Variants in SAMD5 observed in about 807,000 individuals in gnomAD.
SAMD5 encodes the protein sterile alpha motif domain-containing protein 5.
Under a neutral mutation model 11.3 loss-of-function variants are expected in SAMD5, and 13 were observed. The ratio of observed to expected loss-of-function variants is 1.15; its 90% confidence interval spans 0.75 to 1.83. The LOEUF is 1.83. Ranked by LOEUF, SAMD5 falls within the 40% of genes most tolerant of loss-of-function variation. SAMD5 has a pLI of 0.00. For synonymous variants in SAMD5, 129 were observed against 111.3 expected, an observed-to-expected ratio of 1.16 and a Z score of -1.00; for missense variants, 255 against 239.1, an observed-to-expected ratio of 1.07 and a Z score of -0.44.
At chr6:147,879,021 G>T in the SAMD5 span, among the ~76,000 whole-genome samples, 18 of 152,200 alleles carry the variant, frequency 1.2e-4, 1 homozygote, top group African/African-American at 4.3e-4. Flanking sequence ...ATTTTGGAAT[G>T]CAGTTATTTT....
chr6:147,856,825 G>T, the SAMD5 span, among the ~76,000 whole-genome samples: 1 of 79,096 alleles, frequency 1.3e-5, no homozygotes, highest in African/African-American at 5.9e-5. Flanking sequence ...GGGGCGCGGG[G>T]GGGGGGGGAA....
chr6:147,602,546 C>G (rs1225005965), intron 1 of SAMD5, among the ~76,000 whole-genome samples: 1 of 152,126 alleles, frequency 6.6e-6, no homozygotes, highest in Non-Finnish European at 1.5e-5. Flanking sequence ...GAGTTCAAGA[C>G]CAGCCTGGCC....
chr6:147,664,965 G>A (rs915315014), intron 1 of SAMD5, among the ~76,000 whole-genome samples: 2 of 151,958 alleles, frequency 1.3e-5, no homozygotes, highest in African/African-American at 2.4e-5. Context: ...ATTTACCTAG[G>A]TAGCAATTTC....
At chr6:147,859,153 C>T in the SAMD5 span, among the ~76,000 whole-genome samples, 66 of 152,176 alleles carry the variant, frequency 4.3e-4, no homozygotes, top group East Asian at 7.8e-4. Context: ...TGGGCATTCC[C>T]CCAGGTGTGC....
intron 1 of SAMD5, among the ~76,000 whole-genome samples, chr6:147,693,897 A>C (rs1791139174): frequency 1.3e-5 from 2 of 152,166 alleles, no homozygotes; most frequent in South Asian, 4.1e-4. Flanking sequence ...TGAACCTAGG[A>C]GGTGGAGGTT....
Position 147,509,127 on chromosome 6 carries a change from G to T in SAMD5, c.199G>T (p.Ala67Ser), listed in dbSNP as rs776658874. Residue 67 changes from alanine (A) to serine (S), a missense_variant, in exon 1 of 2, where the codon GCC becomes TCC. Ala to Ser is a moderately conservative substitution (Grantham distance 99). Coordinates refer to ENST00000367474, the MANE Select transcript of SAMD5 (RefSeq NM_001030060.3). ...EAVRRLREQDANAAGLYFTLE... is the reference protein window; with the variant it reads ...EAVRRLREQDSNAAGLYFTLE... ...CGTGCGCCGGCTGCGGGAGCAGGAC[G>T]CCAACGCCGCCGGCCTCTACTTCAC... The T allele has an allele frequency of 2.6e-6, 4 of 1,562,404 alleles. No individual in the cohort carries two copies. Among genetic ancestry groups the T allele is most frequent in the Non-Finnish European group, 8.6e-7 (1 of 1,156,858 alleles).
chr6:147,899,189 A>AAAG, the SAMD5 span, among the ~76,000 whole-genome samples: 4,889 of 123,160 alleles, frequency 0.04, 167 homozygotes, highest in Middle Eastern at 0.052. Flanking sequence ...AAAAAAAAAA[A>AAAG]AAAAGATAAC....
chr6:147,610,202 G>T (rs1341808518), intron 1 of SAMD5, among the ~76,000 whole-genome samples: 3 of 152,184 alleles, frequency 2.0e-5, no homozygotes. Context: ...ATTTGGGCTG[G>T]CTGATAAACA....
chr6:147,910,878 A>G, the SAMD5 span, among the ~76,000 whole-genome samples: 1 of 152,258 alleles, frequency 6.6e-6, no homozygotes, highest in Non-Finnish European at 1.5e-5. Flanking sequence ...TCCTCAACAC[A>G]GTAGTGCATA....
rs75720814 is a variant in SAMD5, at chr6:147,553,050, T to C, written c.460-11344T>C. Among the ~76,000 whole-genome samples, 538 of 152,330 alleles carry C rather than the reference T, an allele frequency of 3.5e-3. 3 individuals are homozygous for C. Among genetic ancestry groups the C allele is most frequent in the African/African-American group, 0.012 (515 of 41,578 alleles). The stretch of plus-strand genomic sequence containing the variant: ...TTGAACTAAGATATATAATTCCATG[T>C]CTTTGTATAGAACAGGTACTGGAAA... On this transcript the variant is annotated intron_variant, in intron 1 of 1. Coordinates refer to ENST00000367474, the MANE Select transcript of SAMD5 (RefSeq NM_001030060.3).
downstream of SAMD5, among the ~76,000 whole-genome samples, chr6:147,738,039 C>T (rs1381055376): frequency 6.6e-6 from 1 of 151,966 alleles, no homozygotes; most frequent in Non-Finnish European, 1.5e-5. Flanking sequence ...ACTCAGAGAC[C>T]AAAAACATGA....
At chr6:147,802,859 C>T in the SAMD5 span, among the ~76,000 whole-genome samples, 5 of 152,298 alleles carry the variant, frequency 3.3e-5, no homozygotes, top group South Asian at 2.1e-4. Flanking sequence ...TTTTTATGGA[C>T]TTCACATGGG....
In SAMD5 at chr6:147,696,011, C is replaced by T. The variant is rs188389673; in HGVS notation, c.163-41306C>T. ...GGTGTTTTCCTCATGCCATGTCTTG[C>T]ACAACCCTGGGTTTCAGATAAGGAT... On this transcript the variant is annotated intron_variant, in intron 1 of 1. Transcript: ENST00000566741. Among the ~76,000 whole-genome samples the T allele has an allele frequency of 2.0e-5, 3 of 152,270 alleles. No individual in the cohort carries two copies. The East Asian group carries it at 5.8e-4, about 29-fold the overall frequency.
chr6:147,863,109 A>G, the SAMD5 span, among the ~76,000 whole-genome samples: 1 of 152,218 alleles, frequency 6.6e-6, no homozygotes, highest in Admixed American at 6.5e-5. Context: ...ATTTGGAGGA[A>G]GAAATCATTC....
the SAMD5 span, among the ~76,000 whole-genome samples, chr6:147,824,331 A>G: frequency 1.3e-5 from 2 of 152,210 alleles, no homozygotes; most frequent in East Asian, 3.8e-4. Flanking sequence ...GGGAACTATG[A>G]TCAATTCCAT....
At chr6:147,588,050 G>A (rs1394065246) in intron 1 of SAMD5, among the ~76,000 whole-genome samples, 1 of 152,088 alleles carries the variant, frequency 6.6e-6, no homozygotes, top group South Asian at 2.1e-4. Context: ...ATATGTGTGT[G>A]CTCCTAGGGT....
intron 1 of SAMD5, among the ~76,000 whole-genome samples, chr6:147,664,859 G>A (rs1790694061): frequency 6.6e-6 from 1 of 152,100 alleles, no homozygotes; most frequent in Admixed American, 6.6e-5. Context: ...TTTGCTGGTA[G>A]AATTATATTG....
chr6:147,766,608 T>C, the SAMD5 span, among the ~76,000 whole-genome samples: 1 of 152,174 alleles, frequency 6.6e-6, no homozygotes, highest in African/African-American at 2.4e-5. Context: ...GAAAAACAAA[T>C]GTGGATGTAC....
At chr6:147,740,924 A>G (rs1345563553), downstream of SAMD5, among the ~76,000 whole-genome samples, 1 of 152,214 alleles carries the variant, frequency 6.6e-6, no homozygotes, top group African/African-American at 2.4e-5. Context: ...AGCAGTTGGC[A>G]TTACTAGGAG....
Sources: gnomAD v4.1 joint callset for allele counts (sites outside exome capture counted in the v4.1 genomes callset) on GRCh38, gnomAD v4.1.1 for gene constraint, MANE v1.5 for transcripts, NCBI Gene and HGNC (gene_info 2026-07-23, HGNC 2026-07-21) for gene names.